The following STK32B variants were observed in gnomAD, a reference collection of about 807,000 sequenced individuals.
STK32B encodes the protein serine/threonine kinase 32B.
STK32B carries 43 observed loss-of-function variants against 52.6 expected under a neutral mutation model. The observed-to-expected ratio is 0.82, with a 90% confidence interval of 0.64 to 1.05. The LOEUF (loss-of-function observed/expected upper bound fraction) is 1.05. Ranked by LOEUF, STK32B falls within the 50% of genes least tolerant of loss-of-function variation. STK32B has a pLI of 0.00. For synonymous variants in STK32B, 238 were observed against 204.3 expected (o/e 1.17, Z -1.41); for missense variants, 621 against 534.6 (o/e 1.16, Z -1.59).
intron 10 of STK32B, 80 bp downstream of exon 10, chr4:5,466,914 A>T: frequency 6.7e-7 from 1 of 1,496,954 alleles, no homozygotes; most frequent in Non-Finnish European, 8.9e-7. Flanking sequence ...ACTGTTTAGC[A>T]AAAAGGGGAC....
chr4:5,320,719 A>G (rs761183659), intron 3 of STK32B, among the ~76,000 whole-genome samples: 1 of 152,196 alleles, frequency 6.6e-6, no homozygotes, highest in Non-Finnish European at 1.5e-5. Context: ...AAACTAAAAC[A>G]TCATTAACTA....
At chr4:5,335,319 T>C (rs1018420705) in intron 4 of STK32B, among the ~76,000 whole-genome samples, 88 of 152,340 alleles carry the variant, frequency 5.8e-4, no homozygotes, top group Admixed American at 1.0e-3. Flanking sequence ...GGATCAGTGA[T>C]GATATCCCCT....
chr4:5,462,794 G>T (rs1358454160), intron 9 of STK32B, among the ~76,000 whole-genome samples: 3 of 152,170 alleles, frequency 2.0e-5, no homozygotes, highest in African/African-American at 7.2e-5. Flanking sequence ...CATCCCCTCT[G>T]TTGTGCAAAC....
At chr4:5,054,676 A>T (rs567327484) in intron 1 of STK32B, among the ~76,000 whole-genome samples, 3 of 152,002 alleles carry the variant, frequency 2.0e-5, no homozygotes, top group Non-Finnish European at 4.4e-5. Context: ...AAGGGTTTTA[A>T]GCAGGGAGTG....
At chr4:5,224,667 A>C (rs1025453024) in intron 3 of STK32B, among the ~76,000 whole-genome samples, 2 of 152,216 alleles carry the variant, frequency 1.3e-5, no homozygotes, top group African/African-American at 4.8e-5. Context: ...CTACTGGGGA[A>C]TCAAAACAAA....
At chr4:5,221,594 T>C (rs78496611) in intron 3 of STK32B, among the ~76,000 whole-genome samples, 5,476 of 152,252 alleles carry the variant, frequency 0.036, 296 homozygotes, top group African/African-American at 0.12. Context: ...TCCATGTTCA[T>C]GGTTGCTTTC....
intron 3 of STK32B, among the ~76,000 whole-genome samples, chr4:5,311,619 C>T (rs1462724015): frequency 6.6e-6 from 1 of 152,076 alleles, no homozygotes; most frequent in African/African-American, 2.4e-5. Context: ...ACAGATTCTG[C>T]AGCCATTAAA....
At chr4:5,416,771 T>A in intron 5 of STK32B, 74 bp from the exon 6 acceptor site, 2 of 1,330,432 alleles carry the variant, frequency 1.5e-6, no homozygotes, top group South Asian at 1.3e-5. Flanking sequence ...TATCTCACCT[T>A]GCAAACCACA....
chr4:5,417,764 A>G (rs1391169867), intron 6 of STK32B, among the ~76,000 whole-genome samples: 1 of 152,236 alleles, frequency 6.6e-6, no homozygotes, highest in Non-Finnish European at 1.5e-5. Flanking sequence ...GTCAAAACAT[A>G]GTGGTTTAAG....
intron 5 of STK32B, among the ~76,000 whole-genome samples, chr4:5,408,420 C>T (rs991114896): frequency 4.6e-5 from 7 of 152,132 alleles, no homozygotes; most frequent in Admixed American, 4.6e-4. Flanking sequence ...TCCCCTTCGC[C>T]TTTCACCATG....
chr4:5,398,352 G>A lies in STK32B; in HGVS notation c.472+108G>A. The A allele has an allele frequency of 8.7e-7, 1 of 1,148,390 alleles. No homozygotes were observed. The highest frequency in any genetic ancestry group is 1.3e-6 in the Non-Finnish European group (1 of 786,978). 71.1% of individuals were successfully genotyped at this position (1,148,390 alleles called of 1,614,324 possible). A position where few individuals can be genotyped will look rare whatever the true frequency, so the allele number is the denominator to read the frequency against. Reference sequence around the variant, plus strand: ...TCTTGCTGAGTTGGACATTAGCATTGGCTAGAAACCTTCTCTTGTTTCAAT... The same window carrying A: ...TCTTGCTGAGTTGGACATTAGCATTAGCTAGAAACCTTCTCTTGTTTCAAT... On this transcript the variant is annotated intron_variant, in intron 5 of 11. Coordinates refer to ENST00000282908, the MANE Select transcript of STK32B (RefSeq NM_018401.3). The surrounding 1 kb of genome is among the most constrained non-coding windows in gnomAD (Gnocchi z 4.9).
upstream of STK32B, among the ~76,000 whole-genome samples, chr4:5,049,006 C>T (rs779081812): frequency 2.8e-4 from 43 of 152,312 alleles, no homozygotes; most frequent in African/African-American, 8.4e-4. Flanking sequence ...TACACATGCA[C>T]GCTGTCACTG....
At chr4:5,168,022 C>T (rs1264110064) in intron 2 of STK32B, among the ~76,000 whole-genome samples, 2 of 152,220 alleles carry the variant, frequency 1.3e-5, no homozygotes, top group Non-Finnish European at 2.9e-5. Context: ...GAGGGCAGGC[C>T]TGCTTCTTCC....
At chr4:5,083,854 G>T (rs1712571837) in intron 1 of STK32B, among the ~76,000 whole-genome samples, 1 of 151,282 alleles carries the variant, frequency 6.6e-6, no homozygotes, top group Non-Finnish European at 1.5e-5. Context: ...GTGCTGCGTT[G>T]GCCTCCCAAG....
At chr4:5,125,596 AC>A (rs1190826809) in intron 1 of STK32B, among the ~76,000 whole-genome samples, 1 of 152,068 alleles carries the variant, frequency 6.6e-6, no homozygotes, top group African/African-American at 2.4e-5. Context: ...CTGCTGCTGC[AC>A]CCACTGTTGG....
intron 2 of STK32B, among the ~76,000 whole-genome samples, chr4:5,146,478 CCTT>C (rs1180279196): frequency 6.6e-6 from 1 of 152,170 alleles, no homozygotes; most frequent in African/African-American, 2.4e-5. Context: ...GTTTCTTGCA[CCTT>C]CTTCTGCCTG....
the STK32B span, among the ~76,000 whole-genome samples, chr4:5,026,356 T>C: frequency 6.6e-6 from 1 of 152,160 alleles, no homozygotes; most frequent in Non-Finnish European, 1.5e-5. Context: ...CTGGGTAATT[T>C]ATAGGAAAAG....
At chr4:5,039,844 T>C in the STK32B span, among the ~76,000 whole-genome samples, 1 of 152,204 alleles carries the variant, frequency 6.6e-6, no homozygotes, top group Non-Finnish European at 1.5e-5. Context: ...ATGTGGTCCA[T>C]TGCTGCCCAA....
intron 4 of STK32B, among the ~76,000 whole-genome samples, chr4:5,363,027 C>T (rs1337787154): frequency 6.6e-6 from 1 of 152,144 alleles, no homozygotes; most frequent in African/African-American, 2.4e-5. Flanking sequence ...GTGCTTTGCC[C>T]TCTCTGCTGC....
Sources: gnomAD v4.1 joint callset for allele counts (sites outside exome capture counted in the v4.1 genomes callset) on GRCh38, gnomAD v4.1.1 for gene constraint, Gnocchi (gnomAD v3.1) non-coding constraint, MANE v1.5 for transcripts, NCBI Gene and HGNC (gene_info 2026-07-23, HGNC 2026-07-21) for gene names.